The following POLR3B variants were observed in gnomAD, a reference collection of about 807,000 sequenced individuals.
The protein encoded by POLR3B is RNA polymerase III subunit B.
POLR3B carries 96 observed loss-of-function variants against 147.4 expected under a neutral mutation model. That is an observed-to-expected ratio of 0.65 (90% CI 0.55 to 0.77). The LOEUF (loss-of-function observed/expected upper bound fraction) is 0.77. POLR3B is among the 30% of genes least tolerant of loss of function. POLR3B has a pLI of 0.00. For synonymous variants in POLR3B, 461 were observed against 485.9 expected, an observed-to-expected ratio of 0.95 and a Z score of 0.67; for missense variants, 1,036 against 1,413.5, an observed-to-expected ratio of 0.73 and a Z score of 4.28.
In POLR3B at chr12:106,404,093, GTTT is replaced by G. The variant is rs372930203; in HGVS notation, c.847-1751_847-1749del. 1.2e-3 allele frequency among the ~76,000 whole-genome samples: 160 copies of G among 136,000 alleles called. 1 individual carries two copies. Among genetic ancestry groups the G allele is most frequent in the African/African-American group, 3.9e-3 (141 of 36,102 alleles). The allele number at this position is 136,000 out of a possible 152,430, so 89.2% of individuals were successfully genotyped here. ...CAGCTGTGTATGAGAGTTGTTTTTT[GTTT>G]TTTTTTTTTTTTGAGACAGAGCCTC... On this transcript the variant is annotated intron_variant, in intron 10 of 27. Transcript: ENST00000228347.
chr12:106,472,312 A>G (rs35052168), intron 23 of POLR3B, among the ~76,000 whole-genome samples: 4 of 151,866 alleles, frequency 2.6e-5, no homozygotes, highest in African/African-American at 4.8e-5. Flanking sequence ...AAATAGTGCC[A>G]CAATAAACAT....
In POLR3B at chr12:106,376,130, G is replaced by A. The variant is rs141242052; in HGVS notation, c.405-229G>A. Among the ~76,000 whole-genome samples the A allele has an allele frequency of 2.9e-3, 438 of 152,286 alleles. 4 individuals are homozygous for A. Among genetic ancestry groups the A allele is most frequent in the African/African-American group, 9.9e-3 (413 of 41,560 alleles). The stretch of plus-strand genomic sequence containing the variant: ...CAAAGTGCTGGGATTATAGGCATGA[G>A]CCACTGCACCCAGCCTGAGTTTTTA... On this transcript the variant is annotated intron_variant, in intron 6 of 27. Transcript: ENST00000228347.
chr12:106,499,014 T>C (rs1336614792), intron 25 of POLR3B, among the ~76,000 whole-genome samples: 1 of 151,640 alleles, frequency 6.6e-6, no homozygotes, highest in Non-Finnish European at 1.5e-5. Context: ...CTATTAAAAA[T>C]GTGGAGTGCT....
intron 23 of POLR3B, among the ~76,000 whole-genome samples, chr12:106,480,539 T>A (rs2038252370): frequency 6.6e-6 from 1 of 152,148 alleles, no homozygotes; most frequent in South Asian, 2.1e-4. Flanking sequence ...TTCCTCTGTA[T>A]CAGGCTTTTG....
intron 23 of POLR3B, among the ~76,000 whole-genome samples, chr12:106,465,231 C>G (rs2037988896): frequency 6.6e-6 from 1 of 152,130 alleles, no homozygotes; most frequent in Non-Finnish European, 1.5e-5. Context: ...CATTTGTAGT[C>G]TCTATCTTAC....
At chr12:106,367,033 G>A (rs1290295110) in intron 4 of POLR3B, among the ~76,000 whole-genome samples, 2 of 152,082 alleles carry the variant, frequency 1.3e-5, no homozygotes, top group African/African-American at 2.4e-5. Flanking sequence ...AATCTGGGAC[G>A]GGGAGATTTC....
intron 19 of POLR3B, among the ~76,000 whole-genome samples, chr12:106,454,130 G>A (rs2037834452): frequency 6.6e-6 from 1 of 152,044 alleles, no homozygotes; most frequent in African/African-American, 2.4e-5. Context: ...TGAACACTGG[G>A]CGTTGTTCTT....
chr12:106,478,450 G>A (rs2038213800), intron 23 of POLR3B, among the ~76,000 whole-genome samples: 1 of 152,040 alleles, frequency 6.6e-6, no homozygotes, highest in African/African-American at 2.4e-5. Context: ...CGAAACTGAA[G>A]GAGTCCTCCT....
intron 4 of POLR3B, among the ~76,000 whole-genome samples, chr12:106,368,366 A>G (rs1050225183): frequency 6.6e-6 from 1 of 152,058 alleles, no homozygotes; most frequent in African/African-American, 2.4e-5. Flanking sequence ...ATATGTGCAG[A>G]CACATCTGTA....
At chr12:106,376,299 T>C in intron 6 of POLR3B, 60 bp from the exon 7 acceptor site, 1 of 1,155,716 alleles carries the variant, frequency 8.7e-7, no homozygotes, top group Admixed American at 1.7e-5. Context: ...TTTGTATTTT[T>C]TGCAGCTTTT....
intron 4 of POLR3B, among the ~76,000 whole-genome samples, chr12:106,368,658 C>T (rs977854768): frequency 1.3e-5 from 2 of 152,180 alleles, no homozygotes; most frequent in Non-Finnish European, 2.9e-5. Flanking sequence ...TTTAGCCTCT[C>T]AATGTCCAAT....
At position 106,357,913 on chromosome 12, in the gene POLR3B, A is replaced by C. The variant is rs1592994909; in HGVS notation, c.34A>C (p.Thr12Pro). The change falls in exon 1 of 28, where the codon ACT (threonine) becomes CCT (proline). Residue 12 changes from threonine (T) to proline (P), a missense_variant. Transcript: ENST00000228347. The stretch of plus-strand genomic sequence containing the variant: ...GCTAGCGGAGGAGTTTGGGAACCTG[A>C]CTCCGGAGCAGCTGGCGGCGCCGAT... Reference protein sequence around the residue: ...DVLAEEFGNLTPEQLAAPIPT... With the variant: ...DVLAEEFGNLPPEQLAAPIPT... The C allele has an allele frequency of 3.7e-6, 6 of 1,613,300 alleles. No homozygotes were observed. The highest frequency in any genetic ancestry group is 1.3e-5 in the African/African-American group (1 of 74,870).
At chr12:106,408,949 G>A (rs1298436301) in intron 11 of POLR3B, among the ~76,000 whole-genome samples, 2 of 152,166 alleles carry the variant, frequency 1.3e-5, no homozygotes, top group African/African-American at 4.8e-5. Flanking sequence ...GTGATGGACT[G>A]TACCTCTAAT....
intron 18 of POLR3B, among the ~76,000 whole-genome samples, chr12:106,442,105 GA>G (rs2037660431): frequency 6.8e-6 from 1 of 147,806 alleles, no homozygotes; most frequent in Non-Finnish European, 1.5e-5. Context: ...AAGAAAGAAA[GA>G]AAGAAATCTC....
chr12:106,387,104 T>C (rs1390104681), intron 9 of POLR3B, among the ~76,000 whole-genome samples: 3 of 152,242 alleles, frequency 2.0e-5, no homozygotes, highest in Non-Finnish European at 4.4e-5. Flanking sequence ...AAACATTCCT[T>C]GCATTATTTA....
intron 19 of POLR3B, among the ~76,000 whole-genome samples, chr12:106,446,498 C>CAG (rs2037727213): frequency 6.6e-6 from 1 of 150,710 alleles, no homozygotes; most frequent in African/African-American, 2.4e-5. Context: ...TTACCACACA[C>CAG]AGTTAAGCAG....
chr12:106,489,833 T>C (rs971715632), intron 23 of POLR3B, among the ~76,000 whole-genome samples: 8 of 152,164 alleles, frequency 5.3e-5, no homozygotes, highest in African/African-American at 1.9e-4. Context: ...CTTTAAACAG[T>C]CTGGATAGCT....
chr12:106,483,943 G>T (rs1215228866), intron 23 of POLR3B, among the ~76,000 whole-genome samples: 3 of 152,158 alleles, frequency 2.0e-5, no homozygotes, highest in African/African-American at 7.2e-5. Context: ...CTCCAACTAG[G>T]TGAACTATTT....
intron 2 of POLR3B, among the ~76,000 whole-genome samples, chr12:106,365,149 G>A (rs1315067425): frequency 6.6e-6 from 1 of 151,982 alleles, no homozygotes; most frequent in Admixed American, 6.5e-5. Flanking sequence ...AAAGAAAAAT[G>A]AGTAGAGTTT....
Sources: gnomAD v4.1 joint callset for allele counts (sites outside exome capture counted in the v4.1 genomes callset) on GRCh38, gnomAD v4.1.1 for gene constraint, MANE v1.5 for transcripts, NCBI Gene and HGNC (gene_info 2026-07-23, HGNC 2026-07-21) for gene names.